The following BNC2 variants were observed in gnomAD, a reference collection of about 807,000 sequenced individuals.
BNC2 encodes basonuclin zinc finger protein 2.
Under a neutral mutation model 76.3 loss-of-function variants are expected in BNC2, and 20 were observed. That is an observed-to-expected ratio of 0.26 (90% CI 0.18 to 0.38). BNC2 has a LOEUF of 0.38. BNC2 is among the 10% of genes least tolerant of loss of function. The probability of loss-of-function intolerance (pLI) is 1.00; values close to 1 mark genes in which losing one functional copy is unlikely to be tolerated. For synonymous variants in BNC2, 582 were observed against 514.8 expected (o/e 1.13, Z -1.77); for missense variants, 1,382 against 1,399.8 (o/e 0.99, Z 0.20).
chr9:16,695,540 T>C (rs1218149479), intron 3 of BNC2, among the ~76,000 whole-genome samples: 298 of 147,152 alleles, frequency 2.0e-3, no homozygotes, highest in Middle Eastern at 0.01. Flanking sequence ...TCTTTCTTTT[T>C]TTTTTTTTTT....
At chr9:16,522,960 A>C (rs905915931) in intron 5 of BNC2, among the ~76,000 whole-genome samples, 1 of 152,202 alleles carries the variant, frequency 6.6e-6, no homozygotes, top group Non-Finnish European at 1.5e-5. Flanking sequence ...CCTCATAAAG[A>C]AAGCTGGATG....
At chr9:16,810,401 A>AC (rs1461447629) in intron 1 of BNC2, among the ~76,000 whole-genome samples, 8 of 152,204 alleles carry the variant, frequency 5.3e-5, no homozygotes. Context: ...TCACCTGGAT[A>AC]CCCACAGCCT....
intron 5 of BNC2, among the ~76,000 whole-genome samples, chr9:16,498,833 C>T (rs957201906): frequency 2.0e-5 from 3 of 152,080 alleles, no homozygotes; most frequent in African/African-American, 7.2e-5. Flanking sequence ...GATTCTAAAT[C>T]CTATTGTCCA....
chr9:16,803,020 A>T (rs1258724339), intron 1 of BNC2, among the ~76,000 whole-genome samples: 1 of 152,196 alleles, frequency 6.6e-6, no homozygotes, highest in East Asian at 1.9e-4. Context: ...ATTCTCCCCA[A>T]GTGTCTCTCA....
chr9:16,629,240 T>C (rs1821090526), intron 3 of BNC2, among the ~76,000 whole-genome samples: 1 of 152,240 alleles, frequency 6.6e-6, no homozygotes. Flanking sequence ...TCGGCAATAA[T>C]CTAATCCAAA....
rs962832809 is a variant in BNC2, at chr9:16,413,797, T to C, written c.*5192A>G. On this transcript the variant is annotated 3_prime_UTR_variant, in exon 7 of 7. Coordinates refer to ENST00000380672, the MANE Select transcript of BNC2 (RefSeq NM_017637.6). ...AGGGAAAATGTGAAGAGAAGTTACTTACATACCTCATAGAACAGTAAATGA... is the reference window on the plus strand; with the variant it reads ...AGGGAAAATGTGAAGAGAAGTTACTCACATACCTCATAGAACAGTAAATGA... The C allele has an allele frequency of 6.6e-6, 1 of 152,162 alleles. No homozygotes were observed. Among genetic ancestry groups the C allele is most frequent in the Non-Finnish European group, 1.5e-5 (1 of 68,036 alleles). 9.4% of individuals were successfully genotyped at this position (152,162 alleles called of 1,614,324 possible). A position where few individuals can be genotyped will look rare whatever the true frequency, so the allele number is the denominator to read the frequency against.
At chr9:16,473,230 A>G (rs1347064150) in intron 5 of BNC2, 2 of 152,230 alleles carry the variant, frequency 1.3e-5, no homozygotes, top group Non-Finnish European at 1.5e-5. Context: ...CCATGGACGA[A>G]GAGTCAGAAG....
chr9:16,520,534 C>T (rs896378894), intron 5 of BNC2, among the ~76,000 whole-genome samples: 1 of 152,108 alleles, frequency 6.6e-6, no homozygotes, highest in Admixed American at 6.5e-5. Context: ...CTGTCTTCTT[C>T]CTGTGTTTAG....
chr9:16,712,524 C>T (rs1278627344), intron 3 of BNC2, among the ~76,000 whole-genome samples: 2 of 152,130 alleles, frequency 1.3e-5, no homozygotes, highest in Non-Finnish European at 2.9e-5. Flanking sequence ...AATTTTCAAA[C>T]TTGTTGGAAC....
chr9:16,631,930 T>G (rs1821174251), intron 3 of BNC2, among the ~76,000 whole-genome samples: 1 of 152,268 alleles, frequency 6.6e-6, no homozygotes, highest in South Asian at 2.1e-4. Context: ...CATGGGAGAA[T>G]GTTCCACGAT....
At chr9:16,861,491 C>A (rs991303231) in intron 1 of BNC2, among the ~76,000 whole-genome samples, 1 of 148,200 alleles carries the variant, frequency 6.7e-6, no homozygotes, top group African/African-American at 2.6e-5. Context: ...AGACAAATAA[C>A]CCAAGTGAAA....
chr9:16,855,436 TA>T (rs1405127396), intron 1 of BNC2, among the ~76,000 whole-genome samples: 1 of 152,158 alleles, frequency 6.6e-6, no homozygotes, highest in Non-Finnish European at 1.5e-5. Context: ...TATTCTAAAA[TA>T]AAAAAAGGTT....
chr9:16,493,852 C>A (rs573393901), intron 5 of BNC2, among the ~76,000 whole-genome samples: 3 of 152,192 alleles, frequency 2.0e-5, no homozygotes, highest in African/African-American at 7.2e-5. Flanking sequence ...TAGAAAGGCA[C>A]AGAGAGTGGA....
chr9:16,497,315 A>T (rs1167872625), intron 5 of BNC2, among the ~76,000 whole-genome samples: 1 of 152,244 alleles, frequency 6.6e-6, no homozygotes, highest in Non-Finnish European at 1.5e-5. Context: ...AAGTAGATGT[A>T]GGTAGTTATT....
At chr9:16,484,641 C>T (rs1287516547) in intron 5 of BNC2, among the ~76,000 whole-genome samples, 1 of 152,156 alleles carries the variant, frequency 6.6e-6, no homozygotes, top group Non-Finnish European at 1.5e-5. Context: ...TTTCCTTTTT[C>T]CAACTGTTCC....
intron 5 of BNC2, among the ~76,000 whole-genome samples, chr9:16,528,647 T>C (rs1208339692): frequency 2.0e-5 from 3 of 152,240 alleles, no homozygotes; most frequent in Admixed American, 1.3e-4. Context: ...TAAATATTTA[T>C]TCTACAAAAA....
intron 5 of BNC2, among the ~76,000 whole-genome samples, chr9:16,457,050 C>G (rs955610885): frequency 1.3e-5 from 2 of 152,130 alleles, no homozygotes; most frequent in African/African-American, 4.8e-5. Context: ...TTATGTCTCT[C>G]TCCTTTATCC....
intron 5 of BNC2, among the ~76,000 whole-genome samples, chr9:16,520,238 C>A (rs1259183044): frequency 1.3e-5 from 2 of 152,198 alleles, no homozygotes; most frequent in East Asian, 3.9e-4. Context: ...GACACTTGGG[C>A]TCTTCCAGCT....
chr9:16,818,378 T>C (rs1443058733), intron 1 of BNC2, among the ~76,000 whole-genome samples: 1 of 152,128 alleles, frequency 6.6e-6, no homozygotes, highest in African/African-American at 2.4e-5. Context: ...CACTCCAGCC[T>C]GGGCAACAAA....
Sources: gnomAD v4.1 joint callset for allele counts (sites outside exome capture counted in the v4.1 genomes callset) on GRCh38, gnomAD v4.1.1 for gene constraint, MANE v1.5 for transcripts, NCBI Gene and HGNC (gene_info 2026-07-23, HGNC 2026-07-21) for gene names.